Variants in RASGRF2 observed in about 807,000 individuals in gnomAD.
RASGRF2 encodes the protein Ras protein specific guanine nucleotide releasing factor 2.
RASGRF2 carries 76 observed loss-of-function variants against 151.0 expected under a neutral mutation model. The ratio of observed to expected loss-of-function variants is 0.50; its 90% confidence interval spans 0.42 to 0.61. The LOEUF (loss-of-function observed/expected upper bound fraction) is 0.61. RASGRF2 is among the 20% of genes least tolerant of loss of function. The pLI is 0.00. For synonymous variants in RASGRF2, 504 were observed against 566.5 expected (o/e 0.89, Z 1.57); for missense variants, 1,148 against 1,564.6 (o/e 0.73, Z 4.49).
intron 20 of RASGRF2, 39 bp downstream of exon 20, chr5:81,206,944 C>A: frequency 6.8e-7 from 1 of 1,466,442 alleles, no homozygotes; most frequent in South Asian, 1.1e-5. Flanking sequence ...CAACTATGTG[C>A]AAACTACCTC....
intron 18 of RASGRF2, among the ~76,000 whole-genome samples, chr5:81,192,980 C>T (rs1396417178): frequency 6.6e-6 from 1 of 152,140 alleles, no homozygotes; most frequent in Admixed American, 6.5e-5. Context: ...CATCCTGAGT[C>T]CTTCTTTATA....
chr5:81,191,833 A>G (rs1229577727), intron 18 of RASGRF2, among the ~76,000 whole-genome samples: 2 of 152,212 alleles, frequency 1.3e-5, no homozygotes, highest in Non-Finnish European at 2.9e-5. Flanking sequence ...GCTGAATTTT[A>G]GCAGTCATTC....
intron 17 of RASGRF2, among the ~76,000 whole-genome samples, chr5:81,173,140 G>A (rs1201143917): frequency 1.3e-5 from 2 of 152,110 alleles, no homozygotes; most frequent in East Asian, 3.9e-4. Context: ...ACTTTGGGAG[G>A]CCAAGGCAGG....
chr5:81,028,769 A>G (rs942894764), intron 1 of RASGRF2, among the ~76,000 whole-genome samples: 3 of 152,218 alleles, frequency 2.0e-5, no homozygotes, highest in African/African-American at 7.2e-5. Context: ...TGCATTTCCA[A>G]CTGAGGTACC....
At chr5:81,100,724 A>T (rs1752676856) in intron 12 of RASGRF2, among the ~76,000 whole-genome samples, 1 of 152,220 alleles carries the variant, frequency 6.6e-6, no homozygotes, top group South Asian at 2.1e-4. Context: ...CTTGGTTTGG[A>T]TAGATGTCCC....
chr5:81,123,761 C>G lies in RASGRF2; in HGVS notation c.2590C>G (p.Pro864Ala). Residue 864 changes from proline to alanine, a missense_variant, in exon 16 of 27, where the codon CCT becomes GCT. By Grantham distance (27) the Pro-to-Ala change is conservative (BLOSUM62 -1). This residue lies in a region of RASGRF2 where 646 missense variants were observed against 807.4 expected (regional missense o/e 0.80). Coordinates refer to ENST00000265080, the MANE Select transcript of RASGRF2 (RefSeq NM_006909.3). Reference protein sequence around the residue: ...STPRHLRYRQPGGQTADNAHC... With the variant: ...STPRHLRYRQAGGQTADNAHC... Reference sequence around the variant, plus strand: ...TCCTCGGCACCTCCGCTATCGACAGCCTGGAGGTAAGAGCTCAAGAGGGAC... The same window carrying G: ...TCCTCGGCACCTCCGCTATCGACAGGCTGGAGGTAAGAGCTCAAGAGGGAC... 6.2e-7 allele frequency: 1 copy of G among 1,613,472 alleles called. No individual in the cohort carries two copies.
chr5:81,096,212 A>G (rs772934937), intron 12 of RASGRF2: 16 of 152,312 alleles, frequency 1.1e-4, no homozygotes, highest in Non-Finnish European at 2.2e-4. Flanking sequence ...CAAGGAAATG[A>G]AAATATGGGA....
At chr5:81,115,454 A>C in intron 15 of RASGRF2, among the ~76,000 whole-genome samples, 1 of 152,204 alleles carries the variant, frequency 6.6e-6, no homozygotes. Context: ...TGCTTGGGAA[A>C]CCCTGTGGAG....
chr5:81,174,916 T>C (rs1346378866), intron 17 of RASGRF2, among the ~76,000 whole-genome samples: 2 of 152,240 alleles, frequency 1.3e-5, no homozygotes, highest in Non-Finnish European at 2.9e-5. Context: ...AAGGAAAGCA[T>C]TTTCTTTCTC....
intron 18 of RASGRF2, among the ~76,000 whole-genome samples, chr5:81,199,175 C>T (rs866336797): frequency 5.3e-5 from 8 of 152,224 alleles, no homozygotes; most frequent in Admixed American, 2.0e-4. Flanking sequence ...TTAAAGCATT[C>T]GCCTCTTGAC....
At chr5:81,208,534 C>CTTTTTTTTTTTTTTTTTTTT (rs71000806) in intron 22 of RASGRF2, 96 bp downstream of exon 22, 1 of 233,326 alleles carries the variant, frequency 4.3e-6, no homozygotes, top group African/African-American at 4.4e-5. Flanking sequence ...CTGTCACCCA[C>CTTTTTTTTTTTTTTTTTTTT]TTTTTTTTTT....
intron 1 of RASGRF2, among the ~76,000 whole-genome samples, chr5:81,038,443 G>A (rs988329900): frequency 6.6e-6 from 1 of 151,260 alleles, no homozygotes; most frequent in Non-Finnish European, 1.5e-5. Context: ...CTGATTATGA[G>A]TACAATTAAA....
chr5:81,017,952 C>A (rs6874973), intron 1 of RASGRF2, among the ~76,000 whole-genome samples: 33,005 of 151,632 alleles, frequency 0.22, 4,443 homozygotes, highest in African/African-American at 0.39. Context: ...ATAACAACAA[C>A]AAAAAAATTA....
chr5:81,020,593 TG>T, intron 1 of RASGRF2, among the ~76,000 whole-genome samples: 1 of 152,234 alleles, frequency 6.6e-6, no homozygotes, highest in East Asian at 1.9e-4. Flanking sequence ...GACACATTAG[TG>T]GACAGCTCTC....
chr5:80,961,674 A>C (rs1228390620), intron 1 of RASGRF2, among the ~76,000 whole-genome samples: 13 of 152,158 alleles, frequency 8.5e-5, no homozygotes, highest in Non-Finnish European at 1.9e-4. Context: ...GCTATGTTTA[A>C]AAATGTGGGC....
At chr5:81,132,617 C>T (rs539566681) in intron 17 of RASGRF2, among the ~76,000 whole-genome samples, 1 of 152,260 alleles carries the variant, frequency 6.6e-6, no homozygotes, top group African/African-American at 2.4e-5. Flanking sequence ...TTGAGATATG[C>T]CTAGACCTGA....
intron 17 of RASGRF2, among the ~76,000 whole-genome samples, chr5:81,179,458 T>C (rs1216879450): frequency 6.6e-6 from 1 of 152,232 alleles, no homozygotes; most frequent in African/African-American, 2.4e-5. Context: ...GCAGGCACTC[T>C]GGTTGTGGAA....
At chr5:81,057,869 A>C (rs1245591060) in intron 2 of RASGRF2, among the ~76,000 whole-genome samples, 1 of 151,912 alleles carries the variant, frequency 6.6e-6, no homozygotes, top group Non-Finnish European at 1.5e-5. Context: ...GGTGGTATGC[A>C]CCTGTAGTCC....
intron 18 of RASGRF2, among the ~76,000 whole-genome samples, chr5:81,192,532 G>A (rs1251892211): frequency 6.6e-6 from 1 of 152,232 alleles, no homozygotes; most frequent in Non-Finnish European, 1.5e-5. Flanking sequence ...GTTGCCCCAA[G>A]GTGGCGCCGA....
Sources: allele counts gnomAD v4.1 joint callset (sites outside exome capture counted in the v4.1 genomes callset), GRCh38; gene constraint gnomAD v4.1.1; regional missense constraint gnomAD v4.1.1; transcripts MANE v1.5; gene names NCBI Gene and HGNC (gene_info 2026-07-23, HGNC 2026-07-21).